CNTNAP5: variants seen among roughly 807,000 people sequenced by gnomAD.
CNTNAP5 encodes the protein contactin associated protein family member 5, also known as contactin-associated protein-like 5.
A neutral mutation model predicts 150.2 loss-of-function variants in CNTNAP5; 72 were observed. The observed-to-expected ratio is 0.48, with a 90% CI of 0.40 to 0.58. The LOEUF (loss-of-function observed/expected upper bound fraction) is 0.58, where lower values mean the gene tolerates loss of function less well. Ranked by LOEUF, CNTNAP5 falls within the 20% of genes least tolerant of loss-of-function variation. The pLI, the probability that CNTNAP5 is intolerant of heterozygous loss-of-function variation, is 0.00. For missense variants in CNTNAP5, 1,636 were observed against 1,626.2 expected (o/e 1.01, Z -0.10); for synonymous variants, 672 against 619.8 (o/e 1.08, Z -1.25).
chr2:124,048,578 A>G (rs577850116), intron 1 of CNTNAP5, among the ~76,000 whole-genome samples: 6 of 152,348 alleles, frequency 3.9e-5, no homozygotes, highest in African/African-American at 1.4e-4. Context: ...TTGTTTGCCA[A>G]ATTGTTTTTG....
At chr2:124,206,123 C>A (rs1685857322) in intron 1 of CNTNAP5, among the ~76,000 whole-genome samples, 1 of 152,172 alleles carries the variant, frequency 6.6e-6, no homozygotes, top group Non-Finnish European at 1.5e-5. Flanking sequence ...GTGTTCTGGG[C>A]CCATTCTGCT....
At position 124,865,722 on chromosome 2, in the gene CNTNAP5, G is replaced by C. The variant is rs545496655; in HGVS notation, c.3348+286G>C. Among the ~76,000 whole-genome samples, 9 of 152,174 alleles carry C rather than the reference G, an allele frequency of 5.9e-5. No homozygotes were observed. The South Asian group carries it at 1.9e-3, about 32-fold the overall frequency. Reference sequence around the variant, plus strand: ...GCACTTTGGGAGTCTGAGGCGGGCAGATCAAGAGGTCAGGAGTTCGAGACC... The same window carrying C: ...GCACTTTGGGAGTCTGAGGCGGGCACATCAAGAGGTCAGGAGTTCGAGACC... On this transcript the variant is annotated intron_variant, in intron 20 of 23. Coordinates refer to ENST00000682447, the MANE Select transcript of CNTNAP5 (RefSeq NM_001367498.1).
chr2:124,258,075 G>A (rs561353463), intron 3 of CNTNAP5, among the ~76,000 whole-genome samples: 2 of 152,182 alleles, frequency 1.3e-5, no homozygotes, highest in South Asian at 4.2e-4. Flanking sequence ...GCCCCCAAGT[G>A]AGAAAATGAC....
intron 13 of CNTNAP5, among the ~76,000 whole-genome samples, chr2:124,678,813 C>T (rs577258683): frequency 1.1e-4 from 16 of 152,064 alleles, no homozygotes; most frequent in African/African-American, 3.8e-4. Context: ...GGTAGCTTAA[C>T]TGTTGCTTCT....
At chr2:124,404,989 T>C (rs1013155641) in intron 3 of CNTNAP5, among the ~76,000 whole-genome samples, 1 of 143,510 alleles carries the variant, frequency 7.0e-6, no homozygotes, top group Non-Finnish European at 1.5e-5. Flanking sequence ...ATTATAACTT[T>C]AAAAGGTCTA....
chr2:124,680,567 A>C (rs1264575479), intron 13 of CNTNAP5, among the ~76,000 whole-genome samples: 1 of 151,896 alleles, frequency 6.6e-6, no homozygotes, highest in Non-Finnish European at 1.5e-5. Flanking sequence ...TACCAAGTCC[A>C]AAATCTGGAT....
At chr2:124,226,313 A>G (rs1294139106) in intron 2 of CNTNAP5, among the ~76,000 whole-genome samples, 1 of 152,090 alleles carries the variant, frequency 6.6e-6, no homozygotes, top group Non-Finnish European at 1.5e-5. Flanking sequence ...GTGTGAGGTG[A>G]CGTCTCATTG....
intron 21 of CNTNAP5, among the ~76,000 whole-genome samples, chr2:124,891,533 A>G (rs535798867): frequency 6.6e-6 from 1 of 152,252 alleles, no homozygotes; most frequent in African/African-American, 2.4e-5. Context: ...TTTTATAAAT[A>G]AGAAAATTGA....
chr2:124,094,600 G>C (rs1457229020), intron 1 of CNTNAP5, among the ~76,000 whole-genome samples: 1 of 152,134 alleles, frequency 6.6e-6, no homozygotes, highest in African/African-American at 2.4e-5. Context: ...TTTCATGTTT[G>C]TTCATTTTGT....
intron 3 of CNTNAP5, among the ~76,000 whole-genome samples, chr2:124,257,689 A>G (rs1230113611): frequency 1.3e-5 from 2 of 152,046 alleles, no homozygotes; most frequent in Non-Finnish European, 2.9e-5. Context: ...CGGACTTGGA[A>G]CAATTCTTCT....
intron 7 of CNTNAP5, among the ~76,000 whole-genome samples, chr2:124,477,668 T>C (rs1693672424): frequency 6.6e-6 from 1 of 151,842 alleles, no homozygotes; most frequent in South Asian, 2.1e-4. Flanking sequence ...TTTTTTTTTT[T>C]TTTTTTTGAT....
chr2:124,673,695 T>C (rs1205354871), intron 13 of CNTNAP5, among the ~76,000 whole-genome samples: 1 of 151,916 alleles, frequency 6.6e-6, no homozygotes, highest in Non-Finnish European at 1.5e-5. Context: ...ACGTATTATT[T>C]TTCTGATTTT....
At chr2:124,684,636 G>A (rs17011865) in intron 13 of CNTNAP5, among the ~76,000 whole-genome samples, 4,305 of 152,278 alleles carry the variant, frequency 0.028, 63 homozygotes, top group Middle Eastern at 0.037. Context: ...GGCTTTCATT[G>A]TAAAGTGAGG....
intron 9 of CNTNAP5, among the ~76,000 whole-genome samples, chr2:124,525,786 C>G (rs1239924927): frequency 6.6e-6 from 1 of 152,148 alleles, no homozygotes; most frequent in Non-Finnish European, 1.5e-5. Context: ...TCATTTAATT[C>G]ATGCAGAAAC....
At chr2:124,395,028 A>G (rs1691211343) in intron 3 of CNTNAP5, among the ~76,000 whole-genome samples, 1 of 105,378 alleles carries the variant, frequency 9.5e-6, no homozygotes, top group Non-Finnish European at 2.3e-5. Flanking sequence ...AATTAAATTC[A>G]CCCAAGAAAC....
intron 8 of CNTNAP5, among the ~76,000 whole-genome samples, chr2:124,523,560 G>A (rs535421375): frequency 6.6e-4 from 101 of 152,224 alleles, no homozygotes; most frequent in African/African-American, 2.4e-3. Context: ...AAAGACAGCT[G>A]GAGCAATGGA....
chr2:124,494,081 T>TCTGTGTGTGTGTGTGC (rs986274333), intron 7 of CNTNAP5, among the ~76,000 whole-genome samples: 1 of 134,876 alleles, frequency 7.4e-6, no homozygotes, highest in Non-Finnish European at 1.6e-5. Context: ...TGTGTGTGTG[T>TCTGTGTGTGTGTGTGC]CTGTGTGTGT....
chr2:124,598,594 T>C (rs1696891029), intron 11 of CNTNAP5, among the ~76,000 whole-genome samples: 1 of 149,724 alleles, frequency 6.7e-6, no homozygotes, highest in African/African-American at 2.4e-5. Context: ...CTGCTGTCTT[T>C]TTGTTTGTCT....
At chr2:124,562,833 T>C (rs1336651546) in intron 10 of CNTNAP5, among the ~76,000 whole-genome samples, 1 of 151,978 alleles carries the variant, frequency 6.6e-6, no homozygotes, top group Admixed American at 6.6e-5. Context: ...GCCTCTCCTT[T>C]AAAAATACAA....
Sources: allele counts gnomAD v4.1 joint callset (sites outside exome capture counted in the v4.1 genomes callset), GRCh38; gene constraint gnomAD v4.1.1; transcripts MANE v1.5; gene names NCBI Gene and HGNC (gene_info 2026-07-23, HGNC 2026-07-21).